The following RNF135 variants were observed in gnomAD, a reference collection of about 807,000 sequenced individuals.
RNF135 encodes ring finger protein 135.
RNF135 carries 46 observed loss-of-function variants against 41.9 expected under a neutral mutation model. The ratio of observed to expected loss-of-function variants is 1.10; its 90% CI spans 0.87 to 1.40. The LOEUF (loss-of-function observed/expected upper bound fraction) is 1.40. Ranked by LOEUF, RNF135 falls within the 40% of genes most tolerant of loss-of-function variation. The pLI, the probability that RNF135 is intolerant of heterozygous loss-of-function variation, is 0.00. For missense variants in RNF135, 539 were observed against 549.8 expected (o/e 0.98, Z 0.20); for synonymous variants, 238 against 223.8 (o/e 1.06, Z -0.57).
intron 1 of RNF135, among the ~76,000 whole-genome samples, chr17:30,983,353 A>ATATATATATATATATTTTTTTTTT (rs1420453160): frequency 2.8e-5 from 1 of 35,744 alleles, no homozygotes; most frequent in Non-Finnish European, 5.4e-5. Context: ...ATATATATAT[A>ATATATATATATATATTTTTTTTTT]TTTTTTTTTT....
In RNF135 at chr17:30,996,088, CTT is replaced by C. The variant is rs914464333; in HGVS notation, c.680-1135_680-1134del. Among the ~76,000 whole-genome samples the C allele has an allele frequency of 4.3e-3, 487 of 112,836 alleles. 2 individuals are homozygous for C. The highest frequency in any genetic ancestry group is 0.017 in the African/African-American group (454 of 26,732). 74.0% of individuals were successfully genotyped at this position (112,836 alleles called of 152,430 possible). ...CACCACGCCCAGGCAGAATTCATTA[CTT>C]TTTTTTTTTTTTTTTTTTGAGATGG... On this transcript the variant is annotated intron_variant, in intron 3 of 4. Coordinates refer to ENST00000328381, the MANE Select transcript of RNF135 (RefSeq NM_032322.4).
chr17:30,959,386 C>A, the RNF135 span: 1 of 152,148 alleles, frequency 6.6e-6, no homozygotes, highest in Non-Finnish European at 1.5e-5. Flanking sequence ...TATATTAAAT[C>A]CCTTTTTCCC....
At position 30,999,235 on chromosome 17, in the gene RNF135, C is replaced by G. The variant is rs770510863; in HGVS notation, c.*44C>G. The G allele has an allele frequency of 1.9e-6, 3 of 1,591,716 alleles. No homozygotes were observed. The South Asian group carries it at 3.3e-5, about 18-fold the overall frequency. ...AACACAGTGGTTTCCTGGTCTCTCT[C>G]CCTGTCATCAATCAGGGTAGTAACT... is the stretch of plus-strand genomic sequence containing the variant. On this transcript the variant is annotated 3_prime_UTR_variant, in exon 5 of 5. Coordinates refer to ENST00000328381, the MANE Select transcript of RNF135 (RefSeq NM_032322.4).
chr17:30,987,083 G>C (rs910817191), intron 2 of RNF135, among the ~76,000 whole-genome samples: 1 of 152,148 alleles, frequency 6.6e-6, no homozygotes, highest in Non-Finnish European at 1.5e-5. Context: ...CAGATAAAGG[G>C]CTGTATTGGG....
chr17:30,970,950 G>A (rs1216818419), upstream of RNF135: 15 of 1,357,832 alleles, frequency 1.1e-5, no homozygotes, highest in South Asian at 3.9e-5. Flanking sequence ...GTGGCGCCAA[G>A]GAAGGAGGAG....
At chr17:30,978,442 A>G (rs1254554122) in intron 1 of RNF135, among the ~76,000 whole-genome samples, 1 of 151,632 alleles carries the variant, frequency 6.6e-6, no homozygotes, top group Non-Finnish European at 1.5e-5. Context: ...GTCTCTTCTT[A>G]CTGTGTATTT....
the RNF135 span, among the ~76,000 whole-genome samples, chr17:30,964,596 T>A: frequency 6.6e-6 from 1 of 151,676 alleles, no homozygotes; most frequent in East Asian, 1.9e-4. Context: ...AGAGGGAGAC[T>A]CTGTCTCAAA....
At position 30,994,502 on chromosome 17, in the gene RNF135, A is replaced by T. The variant is rs561962675; in HGVS notation, c.680-2740A>T. 5.3e-5 allele frequency among the ~76,000 whole-genome samples: 8 copies of T among 152,250 alleles called. No individual in the cohort carries two copies. The South Asian group carries it at 8.3e-4, about 16-fold the overall frequency. On this transcript the variant is annotated intron_variant, in intron 3 of 4. Coordinates refer to ENST00000328381, the MANE Select transcript of RNF135 (RefSeq NM_032322.4). ...GAAGCAGAAGTTGCAGTGAGCCGAA[A>T]TCAGGCCACTGCACTCCAGCCTCGG...
intron 3 of RNF135, chr17:30,993,751 T>A (rs931084146): frequency 2.8e-5 from 27 of 970,444 alleles, no homozygotes; most frequent in African/African-American, 1.6e-4. Flanking sequence ...AAATGCTTTT[T>A]AAAAAATTTT....
chr17:30,974,492 T>C (rs1473125688), intron 1 of RNF135, among the ~76,000 whole-genome samples: 1 of 152,058 alleles, frequency 6.6e-6, no homozygotes, highest in Non-Finnish European at 1.5e-5. Flanking sequence ...TAGATCACTT[T>C]GGGTAGTATT....
At chr17:30,983,109 G>T (rs1265743760) in intron 1 of RNF135, among the ~76,000 whole-genome samples, 5 of 151,558 alleles carry the variant, frequency 3.3e-5, no homozygotes, top group African/African-American at 1.2e-4. Context: ...CCTTTTTAAG[G>T]CTGAGTAGTA....
Position 30,987,958 on chromosome 17 carries a change from G to C in RNF135, c.531G>C (p.Gly177=), listed in dbSNP as rs1694181305. The C allele has an allele frequency of 1.9e-6, 3 of 1,613,770 alleles. No homozygotes were observed. Among genetic ancestry groups the C allele is most frequent in the Non-Finnish European group, 2.5e-6 (3 of 1,179,918 alleles). ...TTTATCAATAGGCTTTTTCTTCTGG[G>C]GTGGATCTTTCCATGGCTTCTCCAA... ...LSILGKAFSS[G]VDLSMASPKL... The change falls in exon 3 of 5, where the codon GGG becomes GGC. Residue 177 remains glycine, a synonymous_variant. Coordinates refer to ENST00000328381, the MANE Select transcript of RNF135 (RefSeq NM_032322.4).
intron 3 of RNF135, among the ~76,000 whole-genome samples, chr17:30,993,520 G>A (rs1908131480): frequency 6.6e-6 from 1 of 152,042 alleles, no homozygotes. Flanking sequence ...TGAATTTTAA[G>A]TAAGATTTGT....
At chr17:30,989,080 A>T (rs1288734504) in intron 3 of RNF135, among the ~76,000 whole-genome samples, 1 of 149,906 alleles carries the variant, frequency 6.7e-6, no homozygotes, top group Admixed American at 6.6e-5. Context: ...TTCTTAACAA[A>T]GCATATAGGC....
chr17:30,970,458 T>G (rs1193800176), upstream of RNF135: 1 of 152,984 alleles, frequency 6.5e-6, no homozygotes, highest in Non-Finnish European at 1.5e-5. Context: ...CAACCTTGAA[T>G]GCGCGTCAGA....
the RNF135 span, among the ~76,000 whole-genome samples, chr17:30,964,575 G>C: frequency 2.0e-5 from 3 of 152,026 alleles, no homozygotes; most frequent in Non-Finnish European, 4.4e-5. Context: ...GTGCACTCCA[G>C]CCTGGGCAAC....
At chr17:30,963,462 C>T in the RNF135 span, among the ~76,000 whole-genome samples, 1 of 151,884 alleles carries the variant, frequency 6.6e-6, no homozygotes, top group Non-Finnish European at 1.5e-5. Context: ...GTCCCAGCTA[C>T]TCGGGAGGCT....
At chr17:30,987,815 A>T in intron 2 of RNF135, 129 bp from the exon 3 acceptor site, 1 of 864,836 alleles carries the variant, frequency 1.2e-6, no homozygotes, top group Non-Finnish European at 1.8e-6. Flanking sequence ...TTGAGGGCCT[A>T]ATTTTGTTTT....
At chr17:30,975,812 G>C in intron 1 of RNF135, 1 of 999,162 alleles carries the variant, frequency 1.0e-6, no homozygotes, top group Non-Finnish European at 1.6e-6. Context: ...CCCTGCAGAT[G>C]ACTTCGTTGG....
Sources: allele counts gnomAD v4.1 joint callset (sites outside exome capture counted in the v4.1 genomes callset), GRCh38; gene constraint gnomAD v4.1.1; transcripts MANE v1.5; gene names NCBI Gene and HGNC (gene_info 2026-07-23, HGNC 2026-07-21).